Variants in CCDC30 observed in about 807,000 individuals in gnomAD.
CCDC30 encodes coiled-coil domain containing 30.
A neutral mutation model predicts 100.2 loss-of-function variants in CCDC30; 70 were observed. The observed-to-expected ratio is 0.70, with a 90% CI of 0.58 to 0.85. CCDC30 has a LOEUF of 0.85. Ranked by LOEUF, CCDC30 falls within the 40% of genes least tolerant of loss-of-function variation. The probability of loss-of-function intolerance (pLI) is 0.00; values close to 1 mark genes in which losing one functional copy is unlikely to be tolerated. For synonymous variants in CCDC30, 233 were observed against 269.5 expected (o/e 0.86, Z 1.33); for missense variants, 652 against 771.2 (o/e 0.85, Z 1.83).
chr1:42,634,230 C>T (rs1647099606), intron 11 of CCDC30, among the ~76,000 whole-genome samples: 2 of 137,400 alleles, frequency 1.5e-5, no homozygotes, highest in African/African-American at 5.6e-5. Context: ...GAGATCAAGG[C>T]TGCACAGCAA....
chr1:42,456,390 G>A, the CCDC30 span: 1 of 739,842 alleles, frequency 1.4e-6, no homozygotes, highest in Admixed American at 3.2e-5. Flanking sequence ...CACTTTCGCT[G>A]GGCTCTGGGG....
chr1:42,554,125 T>G (rs1484154823), intron 6 of CCDC30, among the ~76,000 whole-genome samples: 6 of 151,996 alleles, frequency 3.9e-5, no homozygotes, highest in Admixed American at 2.0e-4. Context: ...ACTTTTAAGT[T>G]GAAGCATCTT....
Position 42,621,497 on chromosome 1 carries a change from TTTTA to T in CCDC30, c.1277+10435_1277+10438del, listed in dbSNP as rs148757100. Among the ~76,000 whole-genome samples, 280 of 145,290 alleles carry T rather than the reference TTTTA, an allele frequency of 1.9e-3. 2 individuals carry two copies. In the East Asian group the frequency reaches 0.021, roughly 11 times the overall value. Reference sequence around the variant, plus strand: ...CACCTGGCTAATTTTGTTTATTTTATTTTATTTATTTATTTATTTATTTATTTAT... The same window carrying T: ...CACCTGGCTAATTTTGTTTATTTTATTTTATTTATTTATTTATTTATTTAT... On this transcript the variant is annotated intron_variant, in intron 11 of 16. Coordinates refer to ENST00000668663, the Ensembl canonical transcript of CCDC30.
chr1:42,502,240 G>A (rs1373662281), intron 6 of CCDC30, among the ~76,000 whole-genome samples: 1 of 151,908 alleles, frequency 6.6e-6, no homozygotes, highest in Non-Finnish European at 1.5e-5. Context: ...CTCCATGGGC[G>A]TGGGACCCTC....
chr1:42,656,218 T>C (rs1648653414), downstream of CCDC30, among the ~76,000 whole-genome samples: 2 of 152,206 alleles, frequency 1.3e-5, no homozygotes, highest in South Asian at 4.1e-4. Flanking sequence ...AAGGTCTTTG[T>C]GCATGTAGTT....
the CCDC30 span, chr1:42,456,937 AC>A: frequency 6.2e-7 from 1 of 1,607,660 alleles, no homozygotes; most frequent in Non-Finnish European, 8.5e-7. Context: ...AGGAGAATGC[AC>A]TTCCGGGTTT....
chr1:42,650,012 A>T (rs905946371), intron 15 of CCDC30, among the ~76,000 whole-genome samples: 3 of 152,228 alleles, frequency 2.0e-5, no homozygotes, highest in Non-Finnish European at 2.9e-5. Context: ...TAAAATGCCC[A>T]TACCACCCAA....
intron 6 of CCDC30, among the ~76,000 whole-genome samples, chr1:42,508,891 C>A (rs112741297): frequency 6.6e-6 from 1 of 151,982 alleles, no homozygotes; most frequent in East Asian, 1.9e-4. Flanking sequence ...TAAAATATAC[C>A]CTTGCTTGGA....
intron 10 of CCDC30, among the ~76,000 whole-genome samples, chr1:42,599,213 A>G (rs1646353357): frequency 1.3e-5 from 2 of 152,356 alleles, no homozygotes; most frequent in South Asian, 2.1e-4. Context: ...ACACATACAT[A>G]CACTTAGATA....
At chr1:42,498,953 A>G in intron 6 of CCDC30, 37 bp downstream of exon 6, 1 of 1,113,650 alleles carries the variant, frequency 9.0e-7, no homozygotes, top group Non-Finnish European at 1.1e-6. Context: ...TCTGATCTCT[A>G]ATTTTTGAGT....
chr1:42,493,394 C>A (rs1303445500), intron 4 of CCDC30, among the ~76,000 whole-genome samples: 1 of 151,886 alleles, frequency 6.6e-6, no homozygotes, highest in African/African-American at 2.4e-5. Flanking sequence ...TCAAGACTAT[C>A]CTGGCCAACA....
At chr1:42,548,773 A>G (rs953796329) in intron 6 of CCDC30, among the ~76,000 whole-genome samples, 3 of 152,190 alleles carry the variant, frequency 2.0e-5, no homozygotes, top group African/African-American at 4.8e-5. Context: ...ATCTTCCAGT[A>G]TGATGGCAGG....
chr1:42,471,360 A>G (rs112086484), intron 1 of CCDC30, among the ~76,000 whole-genome samples: 9 of 152,288 alleles, frequency 5.9e-5, no homozygotes, highest in African/African-American at 1.9e-4. Context: ...GACTTATAAT[A>G]ATTTAAGCAT....
At chr1:42,500,852 A>T (rs1188313346) in intron 6 of CCDC30, among the ~76,000 whole-genome samples, 1 of 152,126 alleles carries the variant, frequency 6.6e-6, no homozygotes, top group Non-Finnish European at 1.5e-5. Flanking sequence ...TTGGCTTCTT[A>T]AAGTGCTGGG....
chr1:42,618,009 A>G (rs1422664993), intron 11 of CCDC30, among the ~76,000 whole-genome samples: 2 of 152,198 alleles, frequency 1.3e-5, no homozygotes, highest in Non-Finnish European at 1.5e-5. Context: ...TGGAGGTTAG[A>G]AGTAAGATGG....
At chr1:42,489,531 G>A (rs1303577197) in intron 3 of CCDC30, among the ~76,000 whole-genome samples, 1 of 152,178 alleles carries the variant, frequency 6.6e-6, no homozygotes, top group Non-Finnish European at 1.5e-5. Flanking sequence ...TAAAATTCAT[G>A]TTAGTCTCTT....
Position 42,653,404 on chromosome 1 carries a change from C to T in CCDC30, c.1883C>T (p.Ser628Phe), listed in dbSNP as rs778345420. ...ACAACAATTAGTGACATCCTTGAAT[C>T]CGAAGTAGTGAATGAAATATTGCCT... Residue 628 changes from serine to phenylalanine, a missense_variant, in exon 16 of 17, where the codon TCC (serine) becomes TTC (phenylalanine). Physicochemically the swap from Ser to Phe is radical, Grantham distance 155. Coordinates refer to ENST00000668663, the Ensembl canonical transcript of CCDC30. The T allele has an allele frequency of 1.9e-6, 3 of 1,605,970 alleles. No individual in the cohort carries two copies. The South Asian group carries it at 3.3e-5, about 18-fold the overall frequency.
chr1:42,655,846 T>C (rs1055835137), downstream of CCDC30, among the ~76,000 whole-genome samples: 1 of 151,688 alleles, frequency 6.6e-6, no homozygotes, highest in African/African-American at 2.4e-5. Flanking sequence ...GTTCTCTTGT[T>C]TGGCATTTAA....
At chr1:42,638,452 C>T (rs912225721) in intron 12 of CCDC30, among the ~76,000 whole-genome samples, 1 of 149,904 alleles carries the variant, frequency 6.7e-6, no homozygotes, top group African/African-American at 2.5e-5. Flanking sequence ...CTTTTTTTGC[C>T]ATTAATTTTT....
Sources: allele counts gnomAD v4.1 joint callset (sites outside exome capture counted in the v4.1 genomes callset), GRCh38; gene constraint gnomAD v4.1.1; transcripts MANE v1.5; gene names NCBI Gene and HGNC (gene_info 2026-07-23, HGNC 2026-07-21).